MYO16: variants seen among roughly 807,000 people sequenced by gnomAD.
MYO16 encodes myosin XVI.
Under a neutral mutation model 205.3 loss-of-function variants are expected in MYO16, and 94 were observed. That is an observed-to-expected ratio of 0.46 (90% CI 0.39 to 0.54). The LOEUF (loss-of-function observed/expected upper bound fraction) is 0.54, where lower values mean the gene tolerates loss of function less well. MYO16 is among the 20% of genes least tolerant of loss of function. The pLI is 0.00. For synonymous variants in MYO16, 988 were observed against 954.0 expected (o/e 1.04, Z -0.66); for missense variants, 2,315 against 2,387.5 (o/e 0.97, Z 0.63).
chr13:109,040,068 A>G (rs1399341197), intron 23 of MYO16, among the ~76,000 whole-genome samples: 4 of 152,140 alleles, frequency 2.6e-5, no homozygotes, highest in African/African-American at 7.2e-5. Flanking sequence ...CATAAATTCT[A>G]TGACTTCGAT....
chr13:108,897,526 A>G (rs141086581), intron 14 of MYO16, among the ~76,000 whole-genome samples: 85 of 152,328 alleles, frequency 5.6e-4, no homozygotes, highest in African/African-American at 2.0e-3. Context: ...AATGGGGGTC[A>G]GGGTTGAAAA....
At chr13:108,649,045 A>G (rs1012852669) in intron 1 of MYO16, among the ~76,000 whole-genome samples, 2 of 140,802 alleles carry the variant, frequency 1.4e-5, no homozygotes, top group Non-Finnish European at 3.1e-5. Flanking sequence ...TGTCCCAGGA[A>G]GGGGAACATC....
chr13:108,681,938 G>A (rs999488955), intron 2 of MYO16, among the ~76,000 whole-genome samples: 7 of 152,128 alleles, frequency 4.6e-5, no homozygotes, highest in South Asian at 2.1e-4. Context: ...CCCCAAGACC[G>A]TTCCCAGGAC....
chr13:108,580,958 T>A, the MYO16 span, among the ~76,000 whole-genome samples: 4,068 of 152,282 alleles, frequency 0.027, 173 homozygotes, highest in African/African-American at 0.091. Flanking sequence ...GCATTAATTG[T>A]TTTATAAGCC....
rs547271771 is a variant in MYO16 at position 108,741,074 on chromosome 13, G to C, written c.507+13491G>C. ...AGGAAAGGGAATTCCCTGACCCCTT[G>C]TGCTTCCCAGGTGAAGCAATGCCTC... On this transcript the variant is annotated intron_variant, in intron 4 of 34. Coordinates refer to ENST00000457511, the MANE Select transcript of MYO16 (RefSeq NM_001198950.3). 3.3e-5 allele frequency among the ~76,000 whole-genome samples: 5 copies of C among 152,202 alleles called. No individual in the cohort carries two copies. In the East Asian group the frequency reaches 9.7e-4, roughly 30 times the overall value.
chr13:108,556,620 G>A, the MYO16 span, among the ~76,000 whole-genome samples: 3 of 152,072 alleles, frequency 2.0e-5, no homozygotes, highest in Non-Finnish European at 4.4e-5. Context: ...TTTCTATGAA[G>A]AAGTATTTTA....
the MYO16 span, among the ~76,000 whole-genome samples, chr13:108,578,749 GCGACAT>G: frequency 6.6e-6 from 1 of 152,088 alleles, no homozygotes; most frequent in Non-Finnish European, 1.5e-5. Flanking sequence ...TAAGAGCATT[GCGACAT>G]TTTCACATCC....
intron 32 of MYO16, among the ~76,000 whole-genome samples, chr13:109,159,965 G>A (rs148935965): frequency 1.7e-3 from 255 of 152,300 alleles, no homozygotes; most frequent in African/African-American, 5.6e-3. Context: ...GGCTGGAGTC[G>A]GGAATGACAT....
the MYO16 span, among the ~76,000 whole-genome samples, chr13:108,572,105 A>G: frequency 6.6e-6 from 1 of 151,534 alleles, no homozygotes. Context: ...AAATATATAT[A>G]TTGTAGAGTT....
chr13:108,693,642 T>C (rs1173425736), intron 2 of MYO16, among the ~76,000 whole-genome samples: 1 of 152,206 alleles, frequency 6.6e-6, no homozygotes, highest in African/African-American at 2.4e-5. Flanking sequence ...CATGAGAATT[T>C]GGTTTGTTTC....
intron 2 of MYO16, among the ~76,000 whole-genome samples, chr13:108,703,891 T>C (rs1883401845): frequency 6.6e-6 from 1 of 152,116 alleles, no homozygotes; most frequent in African/African-American, 2.4e-5. Context: ...AACAGGGCAT[T>C]TAAGGAGGCC....
intron 10 of MYO16, among the ~76,000 whole-genome samples, chr13:108,846,986 G>A (rs534292449): frequency 6.6e-6 from 1 of 152,250 alleles, no homozygotes; most frequent in Non-Finnish European, 1.5e-5. Flanking sequence ...GAGTTTAGCA[G>A]TAGTAAGTAC....
At chr13:108,920,515 A>G (rs775505174) in intron 16 of MYO16, among the ~76,000 whole-genome samples, 17 of 152,100 alleles carry the variant, frequency 1.1e-4, no homozygotes, top group East Asian at 5.8e-4. Flanking sequence ...CTGGAATGCA[A>G]TGGTGCCATC....
chr13:108,629,668 T>G lies in MYO16; in HGVS notation c.-177T>G. On this transcript the variant is annotated 5_prime_UTR_variant, in exon 1 of 35. It removes an upstream start codon present in the reference 5' UTR. Coordinates refer to ENST00000457511, the MANE Select transcript of MYO16 (RefSeq NM_001198950.3). Reference sequence around the variant, plus strand: ...GCTTATCTTAACTCCAGCTGCCGAATGAGAATGAGTTTGAAGCTTTTTGCA... The same window carrying G: ...GCTTATCTTAACTCCAGCTGCCGAAGGAGAATGAGTTTGAAGCTTTTTGCA... 1.8e-6 allele frequency: 1 copy of G among 555,756 alleles called. No homozygotes were observed. The highest frequency in any genetic ancestry group is 3.1e-6 in the Non-Finnish European group (1 of 317,918). The allele number at this position is 555,756 out of a possible 1,614,324, so 34.4% of individuals were successfully genotyped here.
intron 28 of MYO16, among the ~76,000 whole-genome samples, chr13:109,119,314 G>C (rs75499448): frequency 3.9e-4 from 59 of 152,320 alleles, no homozygotes; most frequent in African/African-American, 1.4e-3. Flanking sequence ...ATGCTTGAGA[G>C]CACACATGTT....
intron 20 of MYO16, among the ~76,000 whole-genome samples, chr13:108,966,511 A>G (rs1355988131): frequency 2.0e-5 from 3 of 152,334 alleles, no homozygotes; most frequent in African/African-American, 4.8e-5. Context: ...ACCGTGGAAA[A>G]CACATTATTT....
chr13:108,671,135 C>T (rs1348117773), intron 2 of MYO16, among the ~76,000 whole-genome samples: 2 of 152,084 alleles, frequency 1.3e-5, no homozygotes, highest in Non-Finnish European at 2.9e-5. Flanking sequence ...AGAAATTGCT[C>T]TTTTGTGTGT....
intron 21 of MYO16, among the ~76,000 whole-genome samples, chr13:109,004,966 G>A (rs1885342127): frequency 6.6e-6 from 1 of 152,164 alleles, no homozygotes; most frequent in African/African-American, 2.4e-5. Flanking sequence ...AGCAGTGTGA[G>A]TTTACCTAAG....
intron 16 of MYO16, among the ~76,000 whole-genome samples, chr13:108,949,092 G>C (rs1165109626): frequency 2.0e-5 from 3 of 152,134 alleles, no homozygotes; most frequent in Non-Finnish European, 4.4e-5. Flanking sequence ...ACCATTTCTT[G>C]TCCAAAGCAC....
Sources: allele counts gnomAD v4.1 joint callset (sites outside exome capture counted in the v4.1 genomes callset), GRCh38; gene constraint gnomAD v4.1.1; transcripts MANE v1.5; gene names NCBI Gene and HGNC (gene_info 2026-07-23, HGNC 2026-07-21).